The following PDE4D variants were observed in gnomAD, a reference collection of about 807,000 sequenced individuals.
PDE4D encodes the protein 3',5'-cyclic-AMP phosphodiesterase 4D.
In PDE4D, 24 loss-of-function variants were observed where a neutral mutation model predicts 87.4. The ratio of observed to expected loss-of-function variants is 0.27; its 90% CI spans 0.20 to 0.39. The LOEUF (loss-of-function observed/expected upper bound fraction) is 0.39. Ranked by LOEUF, PDE4D falls within the 10% of genes least tolerant of loss-of-function variation. The probability of loss-of-function intolerance (pLI) is 1.00; values close to 1 mark genes in which losing one functional copy is unlikely to be tolerated. For synonymous variants in PDE4D, 384 were observed against 383.2 expected (o/e 1.00, Z -0.02); for missense variants, 714 against 1,041.0 (o/e 0.69, Z 4.32).
intron 1 of PDE4D, among the ~76,000 whole-genome samples, chr5:59,607,609 G>A (rs1237585321): frequency 1.3e-5 from 2 of 152,010 alleles, no homozygotes; most frequent in Non-Finnish European, 2.9e-5. Context: ...GGAGGGGAGG[G>A]CAATGTTTTT....
chr5:60,415,843 G>T (rs1033845918), intron 1 of PDE4D, among the ~76,000 whole-genome samples: 1 of 152,250 alleles, frequency 6.6e-6, no homozygotes, highest in Non-Finnish European at 1.5e-5. Context: ...CCTGCCGCCC[G>T]GTGCGGGACC....
intron 1 of PDE4D, among the ~76,000 whole-genome samples, chr5:59,705,551 T>C (rs1753261696): frequency 6.6e-6 from 1 of 152,178 alleles, no homozygotes; most frequent in African/African-American, 2.4e-5. Context: ...CAGGCTACGG[T>C]AAATATATTT....
intron 3 of PDE4D, among the ~76,000 whole-genome samples, chr5:59,967,356 A>G (rs766907057): frequency 2.6e-5 from 4 of 152,174 alleles, no homozygotes; most frequent in Non-Finnish European, 5.9e-5. Flanking sequence ...ATATTTGCAA[A>G]CTATGCATAT....
At chr5:59,528,909 GA>G (rs1439948459) in intron 1 of PDE4D, 5 of 376,318 alleles carry the variant, frequency 1.3e-5, no homozygotes, top group Non-Finnish European at 2.1e-5. Flanking sequence ...CTCTGCCCTT[GA>G]CCCTCGACTC....
chr5:60,374,667 C>T (rs1221176458), intron 1 of PDE4D, among the ~76,000 whole-genome samples: 2 of 152,104 alleles, frequency 1.3e-5, no homozygotes, highest in Non-Finnish European at 2.9e-5. Flanking sequence ...GCACAGGTCA[C>T]GTAAGATACT....
At chr5:59,151,825 TG>T (rs1321857217) in intron 5 of PDE4D, among the ~76,000 whole-genome samples, 9 of 151,760 alleles carry the variant, frequency 5.9e-5, no homozygotes, top group African/African-American at 2.2e-4. Flanking sequence ...TTTAGGGAGC[TG>T]GGAATGAATA....
intron 1 of PDE4D, among the ~76,000 whole-genome samples, chr5:59,218,328 T>A (rs1030390783): frequency 6.6e-6 from 1 of 152,212 alleles, no homozygotes; most frequent in African/African-American, 2.4e-5. Flanking sequence ...TCAGTTCAAC[T>A]GAGTAAACAC....
chr5:59,997,555 C>G (rs181812487), intron 2 of PDE4D, among the ~76,000 whole-genome samples: 3 of 152,160 alleles, frequency 2.0e-5, no homozygotes, highest in Admixed American at 2.0e-4. Context: ...AATAAACTAA[C>G]AAATATTGGG....
At chr5:60,255,053 G>A (rs780010176) in intron 1 of PDE4D, among the ~76,000 whole-genome samples, 4 of 151,744 alleles carry the variant, frequency 2.6e-5, no homozygotes, top group East Asian at 1.9e-4. Flanking sequence ...TTGCTTCCCC[G>A]GCTCAGAAGT....
chr5:60,063,141 A>AGAAAGAAAGAAAGAAG (rs1562044548), intron 2 of PDE4D, among the ~76,000 whole-genome samples: 3 of 146,340 alleles, frequency 2.1e-5, no homozygotes, highest in Admixed American at 2.0e-4. Context: ...AAAGAAAGAA[A>AGAAAGAAAGAAAGAAG]GAAAGAAAGA....
At position 59,768,233 on chromosome 5, in the gene PDE4D, T is replaced by G. The variant is rs375573884; in HGVS notation, c.455+124935A>C. On this transcript the variant is annotated intron_variant, in intron 1 of 14. Transcript: ENST00000340635. ...AAACGGCCACCATTTCTGCGAGGTC[T>G]GCGCAAACCTTACCATGTATGTGCC... 1.0e-5 allele frequency: 16 copies of G among 1,596,120 alleles called. No individual in the cohort carries two copies. The African/African-American group carries it at 1.6e-4, about 16-fold the overall frequency.
intron 1 of PDE4D, among the ~76,000 whole-genome samples, chr5:59,217,633 T>C (rs1751549746): frequency 6.6e-6 from 1 of 152,184 alleles, no homozygotes; most frequent in South Asian, 2.1e-4. Flanking sequence ...ACAGACTCAC[T>C]TTACAGACGA....
At chr5:59,085,442 T>C (rs1049776719) in intron 5 of PDE4D, among the ~76,000 whole-genome samples, 3 of 152,194 alleles carry the variant, frequency 2.0e-5, no homozygotes, top group African/African-American at 4.8e-5. Flanking sequence ...CCTTGCTTAT[T>C]ATTATTTTGT....
chr5:59,750,500 A>G (rs1418050892), intron 1 of PDE4D, among the ~76,000 whole-genome samples: 1 of 152,176 alleles, frequency 6.6e-6, no homozygotes, highest in Non-Finnish European at 1.5e-5. Flanking sequence ...TAGCTCGTTC[A>G]GTCATCTCTT....
chr5:59,363,584 C>A (rs1338862903), intron 1 of PDE4D, among the ~76,000 whole-genome samples: 1 of 152,190 alleles, frequency 6.6e-6, no homozygotes, highest in African/African-American at 2.4e-5. Flanking sequence ...GGTATAAGAT[C>A]TACATGTTAC....
intron 1 of PDE4D, among the ~76,000 whole-genome samples, chr5:59,546,807 T>G (rs533510222): frequency 1.3e-5 from 2 of 152,318 alleles, no homozygotes; most frequent in Admixed American, 1.3e-4. Flanking sequence ...GCTAATTGAA[T>G]TGAGCAAATC....
At chr5:59,851,226 C>T (rs1360523061) in intron 1 of PDE4D, among the ~76,000 whole-genome samples, 1 of 152,048 alleles carries the variant, frequency 6.6e-6, no homozygotes, top group Non-Finnish European at 1.5e-5. Flanking sequence ...AGCACATCCT[C>T]CAGCCCCAGT....
At chr5:60,224,511 T>C (rs1016540151) in intron 1 of PDE4D, among the ~76,000 whole-genome samples, 11 of 152,204 alleles carry the variant, frequency 7.2e-5, no homozygotes, top group Middle Eastern at 3.4e-3. Flanking sequence ...GATGGCTTCA[T>C]TCACATGCCA....
rs147274427 is a variant in PDE4D at position 59,448,881 on chromosome 5, C to T, written c.456-232913G>A. Among the ~76,000 whole-genome samples, 38 of 152,182 alleles carry T rather than the reference C, an allele frequency of 2.5e-4. No homozygotes were observed. In the South Asian group the frequency reaches 2.9e-3, roughly 12 times the overall value. ...AACTTCTGGGCTCAAGTGATCCTCCCGCCTTGGCCTCCCAAAGCACTGGGA... is the reference window on the plus strand; with the variant it reads ...AACTTCTGGGCTCAAGTGATCCTCCTGCCTTGGCCTCCCAAAGCACTGGGA... On this transcript the variant is annotated intron_variant, in intron 1 of 14. Transcript: ENST00000340635.
Sources: allele counts gnomAD v4.1 joint callset (sites outside exome capture counted in the v4.1 genomes callset), GRCh38; gene constraint gnomAD v4.1.1; transcripts MANE v1.5; gene names NCBI Gene and HGNC (gene_info 2026-07-23, HGNC 2026-07-21).